Variants in CSMD3 observed in about 807,000 individuals in gnomAD.
CSMD3 encodes CUB and Sushi multiple domains 3.
A neutral mutation model predicts 435.2 loss-of-function variants in CSMD3; 177 were observed. That is an observed-to-expected ratio of 0.41 (90% CI 0.36 to 0.46). The LOEUF (loss-of-function observed/expected upper bound fraction) is 0.46. Ranked by LOEUF, CSMD3 falls within the 20% of genes least tolerant of loss-of-function variation. The probability of loss-of-function intolerance (pLI) is 0.34; values close to 1 mark genes in which losing one functional copy is unlikely to be tolerated. For missense variants in CSMD3, 4,265 were observed against 4,504.6 expected, an observed-to-expected ratio of 0.95 and a Z score of 1.52; for synonymous variants, 1,656 against 1,520.5, an observed-to-expected ratio of 1.09 and a Z score of -2.07.
intron 3 of CSMD3, among the ~76,000 whole-genome samples, chr8:113,231,013 T>A (rs2093080185): frequency 6.6e-6 from 1 of 151,232 alleles, no homozygotes; most frequent in South Asian, 2.1e-4. Context: ...CTATCTCAAT[T>A]TTTTTTCTTT....
At chr8:112,809,459 A>G (rs1017952846) in intron 12 of CSMD3, among the ~76,000 whole-genome samples, 2 of 152,152 alleles carry the variant, frequency 1.3e-5, no homozygotes, top group Non-Finnish European at 2.9e-5. Flanking sequence ...TAGATAAGTA[A>G]TTTTGGCTCT....
intron 63 of CSMD3, among the ~76,000 whole-genome samples, chr8:112,248,330 A>ATATG (rs1281162304): frequency 6.6e-6 from 1 of 152,136 alleles, no homozygotes; most frequent in Non-Finnish European, 1.5e-5. Flanking sequence ...AAATGGCAGG[A>ATATG]TATGGTATTT....
chr8:113,097,660 CTAG>C (rs1350008846), intron 5 of CSMD3, among the ~76,000 whole-genome samples: 4 of 152,096 alleles, frequency 2.6e-5, no homozygotes, highest in African/African-American at 9.6e-5. Context: ...ATATAGTTGT[CTAG>C]TAGATGGCTT....
intron 10 of CSMD3, among the ~76,000 whole-genome samples, chr8:112,909,326 A>G (rs1374320193): frequency 2.6e-5 from 4 of 151,696 alleles, no homozygotes; most frequent in Non-Finnish European, 5.9e-5. Flanking sequence ...CTAAAAAAAT[A>G]TGTACTAGTA....
chr8:112,795,309 C>G (rs2078800860), intron 13 of CSMD3, among the ~76,000 whole-genome samples: 1 of 151,782 alleles, frequency 6.6e-6, no homozygotes, highest in African/African-American at 2.4e-5. Context: ...GAAAGTTTGT[C>G]CCAGTACTGG....
intron 3 of CSMD3, among the ~76,000 whole-genome samples, chr8:113,274,392 G>C (rs2093553700): frequency 6.6e-6 from 1 of 152,124 alleles, no homozygotes; most frequent in African/African-American, 2.4e-5. Context: ...GAAAAGGTGA[G>C]AACTGGTTCG....
At chr8:113,296,247 G>A (rs1417659651) in intron 2 of CSMD3, among the ~76,000 whole-genome samples, 1 of 151,240 alleles carries the variant, frequency 6.6e-6, no homozygotes, top group Non-Finnish European at 1.5e-5. Context: ...GTATACATAT[G>A]TAACAAACCT....
chr8:113,303,170 A>C (rs2093787784), intron 2 of CSMD3, among the ~76,000 whole-genome samples: 1 of 147,164 alleles, frequency 6.8e-6, no homozygotes, highest in Non-Finnish European at 1.5e-5. Context: ...AATTGCTTCA[A>C]AGAGAATAAA....
intron 4 of CSMD3, among the ~76,000 whole-genome samples, chr8:113,157,860 T>C (rs1400002105): frequency 1.3e-5 from 2 of 152,104 alleles, no homozygotes; most frequent in East Asian, 3.9e-4. Flanking sequence ...AAATTTATGC[T>C]ATTTTCTGAA....
chr8:113,061,175 C>T (rs1379805813), intron 5 of CSMD3, among the ~76,000 whole-genome samples: 1 of 152,080 alleles, frequency 6.6e-6, no homozygotes, highest in African/African-American at 2.4e-5. Flanking sequence ...TTTAAGGTCC[C>T]ATATTTCTCT....
chr8:112,665,643 C>CT, intron 17 of CSMD3, among the ~76,000 whole-genome samples: 1 of 152,120 alleles, frequency 6.6e-6, no homozygotes, highest in South Asian at 2.1e-4. Context: ...AATGATATAA[C>CT]TGAGAGATTA....
intron 45 of CSMD3, among the ~76,000 whole-genome samples, chr8:112,331,370 A>C (rs777040295): frequency 6.6e-6 from 1 of 152,068 alleles, no homozygotes; most frequent in Non-Finnish European, 1.5e-5. Context: ...TGAGAAAAAA[A>C]TATGATATCT....
At chr8:112,361,822 T>A (rs560917320) in intron 38 of CSMD3, among the ~76,000 whole-genome samples, 131 of 151,648 alleles carry the variant, frequency 8.6e-4, no homozygotes, top group African/African-American at 3.1e-3. Flanking sequence ...TGCATTTATG[T>A]GAGAAAGAAA....
At chr8:112,895,367 A>T (rs1485964883) in intron 10 of CSMD3, among the ~76,000 whole-genome samples, 1 of 151,448 alleles carries the variant, frequency 6.6e-6, no homozygotes, top group Non-Finnish European at 1.5e-5. Context: ...AATTATAGGA[A>T]CCTGATATGT....
chr8:113,131,822 C>T (rs935393654), intron 4 of CSMD3, among the ~76,000 whole-genome samples: 1 of 152,130 alleles, frequency 6.6e-6, no homozygotes, highest in Admixed American at 6.5e-5. Flanking sequence ...GGGGCTGTAC[C>T]CTGAAGAGCC....
intron 13 of CSMD3, among the ~76,000 whole-genome samples, chr8:112,772,412 T>C (rs1277836432): frequency 1.3e-5 from 2 of 152,126 alleles, no homozygotes; most frequent in African/African-American, 4.8e-5. Flanking sequence ...GGCAGCATGC[T>C]TGTTAACAGT....
In CSMD3 at chr8:112,492,657, G is replaced by A. The variant is rs2130854483; in HGVS notation, c.5110C>T (p.Pro1704Ser). The change falls in exon 31 of 71, where the codon CCA becomes TCA. Residue 1704 changes from proline (P) to serine (S), a missense_variant. Transcript: ENST00000297405. ...CTGGTGCCATTCATTATATTGCCTG[G>A]ATCAAAGCAGGACTCTCGCAGTTTT... is the stretch of plus-strand genomic sequence containing the variant. ...KAKLRESCFD[P>S]GNIMNGTRLG... The A allele has an allele frequency of 6.2e-7, 1 of 1,613,736 alleles. No individual in the cohort carries two copies. Among genetic ancestry groups the A allele is most frequent in the South Asian group, 1.1e-5 (1 of 91,064 alleles).
intron 5 of CSMD3, among the ~76,000 whole-genome samples, chr8:113,080,266 A>C (rs745468874): frequency 6.6e-6 from 1 of 152,192 alleles, no homozygotes; most frequent in Admixed American, 6.5e-5. Flanking sequence ...ATTATTTTAC[A>C]TCTCTCTTTC....
Position 113,157,611 on chromosome 8 carries a change from A to C in CSMD3, c.709+16111T>G, listed in dbSNP as rs1588171025. 2.0e-5 allele frequency among the ~76,000 whole-genome samples: 3 copies of C among 152,198 alleles called. 1 individual carries two copies. Among genetic ancestry groups the C allele is most frequent in the Admixed American group, 2.0e-4 (3 of 15,254 alleles). The stretch of plus-strand genomic sequence containing the variant: ...TTTTCTTTCTTTAAAAAATCACTAA[A>C]TCCACTGGACATTGATAGAGTTGAA... On this transcript the variant is annotated intron_variant, in intron 4 of 70. Coordinates refer to ENST00000297405, the MANE Select transcript of CSMD3 (RefSeq NM_198123.2).
Sources: gnomAD v4.1 joint callset for allele counts (sites outside exome capture counted in the v4.1 genomes callset) on GRCh38, gnomAD v4.1.1 for gene constraint, MANE v1.5 for transcripts, NCBI Gene and HGNC (gene_info 2026-07-23, HGNC 2026-07-21) for gene names.